SOX6: variants seen among roughly 807,000 people sequenced by gnomAD.
The protein encoded by SOX6 is SRY-box transcription factor 6.
A neutral mutation model predicts 97.8 loss-of-function variants in SOX6; 11 were observed. That is an observed-to-expected ratio of 0.11 (90% CI 0.07 to 0.19). SOX6 has a LOEUF of 0.19. Among genes scored for constraint, SOX6 ranks in the 10% least tolerant of loss-of-function variants. The pLI is 1.00. For missense variants in SOX6, 810 were observed against 1,039.5 expected, an observed-to-expected ratio of 0.78 and a Z score of 3.04; for synonymous variants, 360 against 371.4, an observed-to-expected ratio of 0.97 and a Z score of 0.35.
At chr11:16,314,483 A>G (rs996000272) in intron 3 of SOX6, 11 of 152,136 alleles carry the variant, frequency 7.2e-5, no homozygotes, top group African/African-American at 2.7e-4. Context: ...GTTCATTTTT[A>G]TATGCCTTAT....
intron 9 of SOX6, among the ~76,000 whole-genome samples, chr11:16,058,391 T>G (rs1285623227): frequency 6.6e-6 from 1 of 152,042 alleles, no homozygotes; most frequent in Non-Finnish European, 1.5e-5. Flanking sequence ...TTTGAACTCT[T>G]TCATATTAGG....
At chr11:16,166,091 A>G (rs1174415712) in intron 6 of SOX6, among the ~76,000 whole-genome samples, 1 of 152,134 alleles carries the variant, frequency 6.6e-6, no homozygotes, top group Non-Finnish European at 1.5e-5. Flanking sequence ...GTATAAATGT[A>G]TACAGTCCAA....
intron 3 of SOX6, among the ~76,000 whole-genome samples, chr11:16,685,220 T>A (rs968608877): frequency 5.9e-5 from 9 of 151,650 alleles, no homozygotes; most frequent in African/African-American, 2.2e-4. Context: ...AAAAATAAAT[T>A]AAAAAAAATA....
At chr11:16,470,603 C>T (rs530750158) in intron 1 of SOX6, among the ~76,000 whole-genome samples, 2 of 152,184 alleles carry the variant, frequency 1.3e-5, no homozygotes, top group Admixed American at 6.5e-5. Flanking sequence ...ATCTCCTCCC[C>T]GACTTAGTCT....
chr11:16,283,019 GTATATA>G (rs10581082), intron 3 of SOX6, among the ~76,000 whole-genome samples: 101,757 of 132,282 alleles, frequency 0.77, 39,365 homozygotes, highest in Non-Finnish European at 0.79. Flanking sequence ...TGAGATGTGA[GTATATA>G]TATATATATA....
rs1325955572 is a variant in SOX6, at chr11:16,613,412, G to T, written n.430-1152C>A. Among the ~76,000 whole-genome samples, 3 of 151,970 alleles carry T rather than the reference G, an allele frequency of 2.0e-5. No individual in the cohort carries two copies. The highest frequency in any genetic ancestry group is 1.9e-4 in the East Asian group (1 of 5,160). ...AAACGAGATTAGCAAATCTTCTACCGCTGGCGGCGGCAACCAGAGCCTCTG... is the reference window on the plus strand; with the variant it reads ...AAACGAGATTAGCAAATCTTCTACCTCTGGCGGCGGCAACCAGAGCCTCTG... On this transcript the variant is annotated intron_variant and non_coding_transcript_variant, in intron 3 of 5. Transcript: ENST00000524520. The surrounding 1 kb of genome is among the most constrained non-coding windows in gnomAD (Gnocchi z 4.6).
chr11:16,384,458 A>C (rs548258093), intron 1 of SOX6, among the ~76,000 whole-genome samples: 1 of 152,146 alleles, frequency 6.6e-6, no homozygotes, highest in East Asian at 1.9e-4. Context: ...AAAAGAAAAA[A>C]TGCTAAAAGT....
At chr11:16,430,249 C>T (rs924180059) in intron 1 of SOX6, among the ~76,000 whole-genome samples, 1 of 152,152 alleles carries the variant, frequency 6.6e-6, no homozygotes, top group African/African-American at 2.4e-5. Context: ...TCAATCCCTA[C>T]TTCCTCAGGG....
intron 1 of SOX6, among the ~76,000 whole-genome samples, chr11:16,418,850 G>A (rs564659568): frequency 7.2e-5 from 11 of 152,216 alleles, no homozygotes; most frequent in East Asian, 3.9e-4. Flanking sequence ...CTCACTAAGC[G>A]AAATATTTGT....
intron 1 of SOX6, among the ~76,000 whole-genome samples, chr11:16,363,371 C>T (rs376641136): frequency 1.3e-5 from 2 of 152,126 alleles, no homozygotes; most frequent in East Asian, 3.9e-4. Flanking sequence ...AAAAGACATG[C>T]TCATTGAAGC....
intron 13 of SOX6, among the ~76,000 whole-genome samples, chr11:16,007,690 G>C (rs1430453549): frequency 6.6e-6 from 1 of 152,100 alleles, no homozygotes; most frequent in Non-Finnish European, 1.5e-5. Context: ...CAGGTAGAAA[G>C]TCAAGTGGCT....
At chr11:15,986,777 A>T (rs903544354) in intron 14 of SOX6, among the ~76,000 whole-genome samples, 1 of 152,244 alleles carries the variant, frequency 6.6e-6, no homozygotes, top group African/African-American at 2.4e-5. Context: ...TTTGAGCATG[A>T]CAGGATTCTC....
intron 4 of SOX6, among the ~76,000 whole-genome samples, chr11:16,594,919 A>T (rs6486299): frequency 0.98 from 148,924 of 152,108 alleles, 72,995 homozygotes; most frequent in East Asian, 1. Context: ...TCTCAATCTC[A>T]TGACCTTGTG....
intron 9 of SOX6, among the ~76,000 whole-genome samples, chr11:16,085,147 C>T (rs1848550781): frequency 6.6e-6 from 1 of 152,080 alleles, no homozygotes; most frequent in Admixed American, 6.6e-5. Context: ...GAACAAACCC[C>T]TATTTGGCCA....
At chr11:16,403,930 T>C (rs1459731085) in intron 1 of SOX6, among the ~76,000 whole-genome samples, 3 of 151,594 alleles carry the variant, frequency 2.0e-5, no homozygotes, top group African/African-American at 7.3e-5. Flanking sequence ...AACCCAAAGG[T>C]TTCTAGATAA....
chr11:16,445,141 A>C (rs1410503856), intron 1 of SOX6, among the ~76,000 whole-genome samples: 1 of 152,206 alleles, frequency 6.6e-6, no homozygotes, highest in Non-Finnish European at 1.5e-5. Flanking sequence ...AGAATAGAAT[A>C]CTTTTCTAAA....
At chr11:16,123,138 A>C (rs1161203909) in intron 6 of SOX6, among the ~76,000 whole-genome samples, 2 of 152,106 alleles carry the variant, frequency 1.3e-5, no homozygotes, top group Non-Finnish European at 2.9e-5. Context: ...ATCATCATCA[A>C]TTATAATCCT....
chr11:16,196,005 A>C (rs1188998749), intron 4 of SOX6, among the ~76,000 whole-genome samples: 3 of 152,170 alleles, frequency 2.0e-5, no homozygotes, highest in African/African-American at 7.2e-5. Flanking sequence ...TGCCCATACA[A>C]ACATACCACA....
intron 1 of SOX6, among the ~76,000 whole-genome samples, chr11:16,347,286 T>C (rs1049742964): frequency 1.3e-5 from 2 of 152,100 alleles, no homozygotes; most frequent in African/African-American, 4.8e-5. Flanking sequence ...CTATCTATAC[T>C]TTTTGCTTGA....
Sources: allele counts gnomAD v4.1 joint callset (sites outside exome capture counted in the v4.1 genomes callset), GRCh38; gene constraint gnomAD v4.1.1; non-coding constraint Gnocchi (gnomAD v3.1); transcripts MANE v1.5; gene names NCBI Gene and HGNC (gene_info 2026-07-23, HGNC 2026-07-21).